The following TLN2 variants were observed in gnomAD, a reference collection of about 807,000 sequenced individuals.
TLN2 encodes the protein talin 2, also known as talin-2.
A neutral mutation model predicts 294.7 loss-of-function variants in TLN2; 118 were observed. That is an observed-to-expected ratio of 0.40 (90% CI 0.34 to 0.47). The LOEUF (loss-of-function observed/expected upper bound fraction) is 0.47. TLN2 is among the 20% of genes least tolerant of loss of function. The pLI, the probability that TLN2 is intolerant of heterozygous loss-of-function variation, is 0.84. For synonymous variants in TLN2, 1,431 were observed against 1,304.5 expected, an observed-to-expected ratio of 1.10 and a Z score of -2.09; for missense variants, 3,083 against 3,282.2, an observed-to-expected ratio of 0.94 and a Z score of 1.48.
At chr15:62,589,516 T>A in intron 1 of TLN2, among the ~76,000 whole-genome samples, 171 bp from the exon 2 acceptor site, 1 of 152,248 alleles carries the variant, frequency 6.6e-6, no homozygotes. Flanking sequence ...TCTTGGGACC[T>A]GAATTCCCTG....
chr15:62,781,437 CTT>C (rs1314352876), intron 44 of TLN2, among the ~76,000 whole-genome samples, 196 bp downstream of exon 44: 1 of 152,090 alleles, frequency 6.6e-6, no homozygotes, highest in Non-Finnish European at 1.5e-5. Context: ...TGCTGCAGTT[CTT>C]TTCTCATGAA....
rs531897036 is a variant in TLN2, at chr15:62,577,804, A to G, written c.-237-11883A>G. On this transcript the variant is annotated intron_variant, in intron 1 of 58. Coordinates refer to ENST00000636159, the MANE Select transcript of TLN2 (RefSeq NM_015059.3). ...GGTTTGCTGCACCCATCAACTCGTC[A>G]TTTACATTAGGTATTTCTCCTAATG... Among the ~76,000 whole-genome samples, 95 of 152,216 alleles carry G rather than the reference A, an allele frequency of 6.2e-4. 2 individuals are homozygous for G. The East Asian group carries it at 0.015, about 25-fold the overall frequency.
At chr15:62,739,268 C>T (rs929894895) in intron 30 of TLN2, 80 bp from the exon 31 acceptor site, 1 of 1,464,136 alleles carries the variant, frequency 6.8e-7, no homozygotes, top group Non-Finnish European at 9.2e-7. Flanking sequence ...AAGAGTCTGT[C>T]TCCCTTCCAC....
intron 52 of TLN2, among the ~76,000 whole-genome samples, chr15:62,810,710 A>C (rs1278615030): frequency 6.6e-6 from 1 of 152,140 alleles, no homozygotes; most frequent in African/African-American, 2.4e-5. Context: ...ACGGAGCACC[A>C]AGAAGTAGGT....
In TLN2 at chr15:62,662,540, C is replaced by T. The variant is rs1265729695; in HGVS notation, c.788+4642C>T. ...CATGACATATGTGCGTGTGTAAGTGCAAATTATAACTAAATAGTGTTTCTT... is the reference window on the plus strand; with the variant it reads ...CATGACATATGTGCGTGTGTAAGTGTAAATTATAACTAAATAGTGTTTCTT... On this transcript the variant is annotated intron_variant, in intron 9 of 58. Transcript: ENST00000636159. Among the ~76,000 whole-genome samples the T allele has an allele frequency of 2.0e-5, 3 of 152,234 alleles. No individual in the cohort carries two copies. In the East Asian group the frequency reaches 5.8e-4, roughly 29 times the overall value.
chr15:62,713,141 C>T (rs374296503), intron 22 of TLN2, among the ~76,000 whole-genome samples: 11 of 151,548 alleles, frequency 7.3e-5, no homozygotes, highest in Non-Finnish European at 1.2e-4. Context: ...TGGTGGTGTT[C>T]GCCTGTAATT....
chr15:62,554,700 T>A (rs1235595050), intron 1 of TLN2, among the ~76,000 whole-genome samples: 1 of 152,118 alleles, frequency 6.6e-6, no homozygotes, highest in African/African-American at 2.4e-5. Flanking sequence ...CTGACTGAGT[T>A]AAGGGGATAA....
At chr15:62,554,248 T>C (rs866202860) in intron 1 of TLN2, among the ~76,000 whole-genome samples, 1 of 151,282 alleles carries the variant, frequency 6.6e-6, no homozygotes, top group African/African-American at 2.4e-5. Context: ...TAAAGCTTGG[T>C]TGATGCTCAT....
At chr15:62,759,325 G>T (rs557951943) in intron 37 of TLN2, among the ~76,000 whole-genome samples, 5 of 152,330 alleles carry the variant, frequency 3.3e-5, no homozygotes, top group Non-Finnish European at 5.9e-5. Context: ...GAAAATGATT[G>T]ATATGGCTTG....
At position 62,797,363 on chromosome 15, in the gene TLN2, G is replaced by C. The variant is rs573209378; in HGVS notation, c.6195G>C (p.Leu2065=). The change falls in exon 48 of 59, where the codon CTG becomes CTC. Residue 2065 remains leucine, a synonymous_variant. Coordinates refer to ENST00000636159, the MANE Select transcript of TLN2 (RefSeq NM_015059.3). ...TITQLAEVVK[L]GAASLGSDDP... is the part of the protein sequence containing the mutation. Reference sequence around the variant, plus strand: ...CCCAGCTCGCAGAAGTGGTCAAGCTGGGGGCAGCCAGCCTGGGCTCCGACG... The same window carrying C: ...CCCAGCTCGCAGAAGTGGTCAAGCTCGGGGCAGCCAGCCTGGGCTCCGACG... 11 of 1,612,516 alleles carry C rather than the reference G, an allele frequency of 6.8e-6. No homozygotes were observed. Among genetic ancestry groups the C allele is most frequent in the East Asian group, 6.7e-5 (3 of 44,848 alleles).
At chr15:62,639,256 T>C (rs1379691051) in intron 3 of TLN2, among the ~76,000 whole-genome samples, 1 of 151,858 alleles carries the variant, frequency 6.6e-6, no homozygotes, top group Admixed American at 6.6e-5. Flanking sequence ...TATATCTATA[T>C]CTATGTGTAT....
intron 43 of TLN2, among the ~76,000 whole-genome samples, chr15:62,780,282 TC>T (rs1311912924): frequency 6.6e-6 from 1 of 152,212 alleles, no homozygotes; most frequent in Non-Finnish European, 1.5e-5. Context: ...GTTGCCTGTT[TC>T]TTCATCATTG....
chr15:62,736,838 A>G, intron 28 of TLN2, 40 bp from the exon 29 acceptor site: 1 of 1,602,418 alleles, frequency 6.2e-7, no homozygotes. Flanking sequence ...TGCCATTTAG[A>G]TGGAGTCTAA....
intron 1 of TLN2, among the ~76,000 whole-genome samples, chr15:62,424,140 A>G (rs1014583866): frequency 6.6e-6 from 1 of 152,152 alleles, no homozygotes; most frequent in African/African-American, 2.4e-5. Flanking sequence ...TAATAATAGT[A>G]ACTACCTCAG....
At chr15:62,793,540 A>T (rs1259320377) in intron 46 of TLN2, among the ~76,000 whole-genome samples, 1 of 152,224 alleles carries the variant, frequency 6.6e-6, no homozygotes, top group African/African-American at 2.4e-5. Context: ...ACAGTTACAC[A>T]TGTAATAAAT....
intron 3 of TLN2, chr15:62,644,763 T>A (rs1405448804): frequency 1.1e-5 from 4 of 361,550 alleles, no homozygotes; most frequent in Non-Finnish European, 2.2e-5. Context: ...GCTCCAGTGT[T>A]AGGTCCTGCT....
intron 1 of TLN2, among the ~76,000 whole-genome samples, chr15:62,537,057 C>T (rs1486793278): frequency 1.3e-5 from 2 of 150,772 alleles, no homozygotes; most frequent in African/African-American, 2.4e-5. Context: ...CTTGCTCTGT[C>T]GCCCAGGCTG....
intron 25 of TLN2, among the ~76,000 whole-genome samples, chr15:62,721,369 TAA>T (rs2060137687): frequency 6.6e-6 from 1 of 152,210 alleles, no homozygotes; most frequent in Non-Finnish European, 1.5e-5. Context: ...GTTTGCTCTG[TAA>T]AACTATTTTT....
chr15:62,688,878 C>A (rs976242354), intron 12 of TLN2, among the ~76,000 whole-genome samples: 40 of 152,164 alleles, frequency 2.6e-4, no homozygotes, highest in African/African-American at 9.4e-4. Flanking sequence ...TTATTTTCAA[C>A]TTGCATATAC....
Sources: gnomAD v4.1 joint callset for allele counts (sites outside exome capture counted in the v4.1 genomes callset) on GRCh38, gnomAD v4.1.1 for gene constraint, MANE v1.5 for transcripts, NCBI Gene and HGNC (gene_info 2026-07-23, HGNC 2026-07-21) for gene names.